NPR3: variants seen among roughly 807,000 people sequenced by gnomAD.
NPR3 encodes the protein atrial natriuretic peptide receptor 3.
A neutral mutation model predicts 54.5 loss-of-function variants in NPR3; 34 were observed. The ratio of observed to expected loss-of-function variants is 0.62; its 90% CI spans 0.47 to 0.83. NPR3 has a LOEUF of 0.83. Among genes scored for constraint, NPR3 ranks in the 40% least tolerant of loss-of-function variants. The probability of loss-of-function intolerance (pLI) is 0.00; values close to 1 mark genes in which losing one functional copy is unlikely to be tolerated. For synonymous variants in NPR3, 289 were observed against 297.1 expected, an observed-to-expected ratio of 0.97 and a Z score of 0.28; for missense variants, 674 against 720.8, an observed-to-expected ratio of 0.94 and a Z score of 0.74.
chr5:32,743,242 A>C (rs1443864999), intron 3 of NPR3, among the ~76,000 whole-genome samples: 2 of 152,184 alleles, frequency 1.3e-5, no homozygotes, highest in African/African-American at 4.8e-5. Flanking sequence ...TGCAGTTTTA[A>C]GATGCAATAC....
upstream of NPR3, chr5:32,710,525 T>G: frequency 1.0e-6 from 1 of 991,720 alleles, no homozygotes; most frequent in Non-Finnish European, 1.4e-6. Context: ...AGAGGGTCCG[T>G]GAGCTGGGAC....
intron 1 of NPR3, chr5:32,713,545 C>T: frequency 4.6e-6 from 4 of 870,858 alleles, no homozygotes; most frequent in Non-Finnish European, 5.5e-6. Context: ...CGTCTCTGCT[C>T]CCCCTTGGCG....
chr5:32,772,480 T>C (rs944762875), intron 3 of NPR3, among the ~76,000 whole-genome samples: 6 of 152,182 alleles, frequency 3.9e-5, no homozygotes, highest in Non-Finnish European at 7.4e-5. Flanking sequence ...AGATGACCAC[T>C]TGAACTGCAC....
At chr5:32,732,134 G>T (rs1036513445) in intron 2 of NPR3, among the ~76,000 whole-genome samples, 4 of 151,354 alleles carry the variant, frequency 2.6e-5, no homozygotes, top group Non-Finnish European at 5.9e-5. Context: ...CCAGCTACTC[G>T]GGAGGCTGAG....
At chr5:32,733,124 C>T (rs760494147) in intron 2 of NPR3, among the ~76,000 whole-genome samples, 5 of 152,064 alleles carry the variant, frequency 3.3e-5, no homozygotes, top group East Asian at 3.9e-4. Context: ...GGATTACAGA[C>T]GTGAGCCACC....
intron 3 of NPR3, among the ~76,000 whole-genome samples, chr5:32,771,527 T>A (rs930559192): frequency 6.6e-6 from 1 of 152,110 alleles, no homozygotes; most frequent in East Asian, 1.9e-4. Flanking sequence ...TCAGAGGGCA[T>A]GTCAAGAAGG....
intron 3 of NPR3, among the ~76,000 whole-genome samples, chr5:32,766,603 G>A (rs1429473613): frequency 1.3e-5 from 2 of 152,128 alleles, no homozygotes; most frequent in East Asian, 1.9e-4. Flanking sequence ...ATGAGACTGG[G>A]TAAATGAAGT....
At chr5:32,766,459 C>G (rs1470926256) in intron 3 of NPR3, among the ~76,000 whole-genome samples, 1 of 152,208 alleles carries the variant, frequency 6.6e-6, no homozygotes, top group Non-Finnish European at 1.5e-5. Flanking sequence ...GTTACCAAGA[C>G]AGCAATGTCT....
At chr5:32,777,548 G>A (rs116795472) in intron 4 of NPR3, among the ~76,000 whole-genome samples, 138 of 152,312 alleles carry the variant, frequency 9.1e-4, no homozygotes, top group Middle Eastern at 3.4e-3. Flanking sequence ...ATATTGACAA[G>A]TTTAGATTTG....
chr5:32,777,430 C>T (rs756831891), intron 4 of NPR3, among the ~76,000 whole-genome samples: 9 of 152,162 alleles, frequency 5.9e-5, no homozygotes, highest in Non-Finnish European at 1.2e-4. Flanking sequence ...AGAGCTCTTT[C>T]GGTTTTACAT....
intron 1 of NPR3, among the ~76,000 whole-genome samples, chr5:32,691,606 T>A (rs1054870778): frequency 1.3e-5 from 2 of 152,230 alleles, no homozygotes; most frequent in Admixed American, 6.5e-5. Context: ...ACTGAAGGAA[T>A]CCTCCTTGTA....
At chr5:32,695,733 T>C (rs1227945917) in intron 1 of NPR3, among the ~76,000 whole-genome samples, 1 of 152,252 alleles carries the variant, frequency 6.6e-6, no homozygotes, top group Non-Finnish European at 1.5e-5. Flanking sequence ...GGTGAGATGA[T>C]ATCTCATTGT....
intron 3 of NPR3, among the ~76,000 whole-genome samples, chr5:32,769,265 T>C (rs1741628403): frequency 6.6e-6 from 1 of 152,224 alleles, no homozygotes; most frequent in Admixed American, 6.5e-5. Context: ...CTAGGTACTG[T>C]ATTATATTTG....
chr5:32,744,829 G>A (rs928989608), intron 3 of NPR3, among the ~76,000 whole-genome samples: 6 of 152,144 alleles, frequency 3.9e-5, no homozygotes, highest in African/African-American at 9.7e-5. Flanking sequence ...ATTACACACC[G>A]ATGTGTGGGA....
In NPR3 at chr5:32,784,892, G is replaced by A. The variant is rs377341709; in HGVS notation, c.1514+9G>A. 37 of 1,581,680 alleles carry A rather than the reference G, an allele frequency of 2.3e-5. No individual in the cohort carries two copies. In the South Asian group the frequency reaches 2.4e-4, roughly 10 times the overall value. On this transcript the variant is annotated intron_variant, in intron 7 of 7. Transcript: ENST00000265074. ...GCCTTCTACTTTTTCAGGTGAGGAC[G>A]GTTTGTAAAGGTACAATTCACTCTC...
At chr5:32,724,926 T>A in intron 2 of NPR3, 106 bp downstream of exon 2, 2 of 1,203,376 alleles carry the variant, frequency 1.7e-6, no homozygotes, top group South Asian at 2.7e-5. Flanking sequence ...ATAAACACCA[T>A]GGAATACTAT....
intron 3 of NPR3, among the ~76,000 whole-genome samples, chr5:32,745,667 G>T (rs1436377776): frequency 6.6e-6 from 1 of 152,184 alleles, no homozygotes; most frequent in Non-Finnish European, 1.5e-5. Context: ...CAGCAACACA[G>T]GCTGAAGTAT....
intron 3 of NPR3, among the ~76,000 whole-genome samples, chr5:32,763,856 T>G (rs537631405): frequency 6.6e-6 from 1 of 152,344 alleles, no homozygotes; most frequent in East Asian, 1.9e-4. Flanking sequence ...TTAATTTTTG[T>G]TCTAGCAGGT....
chr5:32,776,696 G>A (rs1047233976), intron 4 of NPR3, among the ~76,000 whole-genome samples: 2 of 152,156 alleles, frequency 1.3e-5, no homozygotes, highest in Non-Finnish European at 2.9e-5. Context: ...CCTACTATGT[G>A]CCAGGTGCTG....
Sources: allele counts gnomAD v4.1 joint callset (sites outside exome capture counted in the v4.1 genomes callset), GRCh38; gene constraint gnomAD v4.1.1; transcripts MANE v1.5; gene names NCBI Gene and HGNC (gene_info 2026-07-23, HGNC 2026-07-21).